The following NCAM2 variants were observed in gnomAD, a reference collection of about 807,000 sequenced individuals.
The protein encoded by NCAM2 is neural cell adhesion molecule 2.
NCAM2 carries 30 observed loss-of-function variants against 98.1 expected under a neutral mutation model. The observed-to-expected ratio is 0.31, with a 90% CI of 0.23 to 0.41. The LOEUF is 0.41. Ranked by LOEUF, NCAM2 falls within the 10% of genes least tolerant of loss-of-function variation. NCAM2 has a pLI of 1.00. For missense variants in NCAM2, 867 were observed against 1,005.8 expected (o/e 0.86, Z 1.87); for synonymous variants, 368 against 342.4 (o/e 1.07, Z -0.83).
At chr21:21,041,408 C>G (rs533145371) in intron 1 of NCAM2, among the ~76,000 whole-genome samples, 8 of 152,250 alleles carry the variant, frequency 5.3e-5, no homozygotes, top group African/African-American at 1.9e-4. Context: ...GTGCTGGTGA[C>G]AGAAGGTGGG....
At chr21:21,247,711 A>G (rs1262037712) in intron 1 of NCAM2, among the ~76,000 whole-genome samples, 4 of 152,128 alleles carry the variant, frequency 2.6e-5, no homozygotes, top group Non-Finnish European at 5.9e-5. Context: ...AAGAATGCAC[A>G]CTTGTTTCTA....
intron 1 of NCAM2, among the ~76,000 whole-genome samples, chr21:21,115,186 C>T (rs1429495489): frequency 6.6e-6 from 1 of 152,152 alleles, no homozygotes; most frequent in East Asian, 1.9e-4. Flanking sequence ...CTAGTGAGTC[C>T]TTCAGGTCAA....
intron 8 of NCAM2, among the ~76,000 whole-genome samples, chr21:21,353,509 A>G (rs1223251991): frequency 6.6e-6 from 1 of 152,188 alleles, no homozygotes; most frequent in Non-Finnish European, 1.5e-5. Flanking sequence ...ATCGCCATCC[A>G]TACAGGCGAG....
intron 13 of NCAM2, among the ~76,000 whole-genome samples, chr21:21,468,063 A>C (rs1397575729): frequency 1.3e-5 from 2 of 152,008 alleles, no homozygotes; most frequent in African/African-American, 4.8e-5. Context: ...TTATATGGCT[A>C]TCTCTATGTT....
chr21:21,363,445 C>T (rs548964901), intron 8 of NCAM2, among the ~76,000 whole-genome samples: 1 of 152,206 alleles, frequency 6.6e-6, no homozygotes, highest in South Asian at 2.1e-4. Flanking sequence ...ACTTTTCATA[C>T]CTGCATATCC....
intron 15 of NCAM2, among the ~76,000 whole-genome samples, chr21:21,508,503 G>A (rs990612888): frequency 7.3e-5 from 11 of 151,338 alleles, no homozygotes; most frequent in African/African-American, 2.4e-4. Flanking sequence ...GTACATTTAG[G>A]GATATGATAA....
chr21:21,430,400 A>G (rs1057133299), intron 11 of NCAM2, among the ~76,000 whole-genome samples: 1 of 148,676 alleles, frequency 6.7e-6, no homozygotes, highest in Admixed American at 6.7e-5. Flanking sequence ...AAGTTTATAT[A>G]TATTAGCCCA....
intron 1 of NCAM2, among the ~76,000 whole-genome samples, chr21:21,066,510 G>A (rs2065440827): frequency 2.0e-5 from 3 of 152,012 alleles, no homozygotes; most frequent in South Asian, 2.1e-4. Flanking sequence ...GGCATTATGG[G>A]ACACAGCTAA....
intron 12 of NCAM2, among the ~76,000 whole-genome samples, chr21:21,444,118 T>C (rs948654649): frequency 1.3e-5 from 2 of 152,152 alleles, no homozygotes; most frequent in Admixed American, 1.3e-4. Context: ...TGGTTCTGCT[T>C]ATGTGATGGA....
chr21:21,238,840 A>G (rs1316659252), intron 1 of NCAM2, among the ~76,000 whole-genome samples: 2 of 152,166 alleles, frequency 1.3e-5, no homozygotes, highest in South Asian at 2.1e-4. Flanking sequence ...GGGTTGCAAA[A>G]TGGCAGCTCC....
intron 8 of NCAM2, among the ~76,000 whole-genome samples, chr21:21,370,347 A>G (rs1306176431): frequency 2.0e-5 from 3 of 151,872 alleles, no homozygotes; most frequent in Non-Finnish European, 2.9e-5. Context: ...ATTCCCATTA[A>G]AGCATCAAAA....
In NCAM2 at chr21:21,154,487, T is replaced by C. The variant is rs567096702; in HGVS notation, c.56-126091T>C. Among the ~76,000 whole-genome samples the C allele has an allele frequency of 1.4e-4, 21 of 151,978 alleles. No homozygotes were observed. In the South Asian group the frequency reaches 3.7e-3, roughly 27 times the overall value. On this transcript the variant is annotated intron_variant, in intron 1 of 17. Coordinates refer to ENST00000400546, the MANE Select transcript of NCAM2 (RefSeq NM_004540.5). ...TTTTATATTAGTTAAAGATGCATAA[T>C]GAACTTATAGATAAAATGATATGGT...
chr21:21,004,252 C>G lies in NCAM2; in HGVS notation c.55+5634C>G, dbSNP rs1191387378. On this transcript the variant is annotated intron_variant, in intron 1 of 17. Transcript: ENST00000400546. ...ATCAAATAACAAGCACTTTTTGAGG[C>G]CTTAAAATGAGAATATTATCAGCAC... Among the ~76,000 whole-genome samples, 8 of 152,050 alleles carry G rather than the reference C, an allele frequency of 5.3e-5. No individual in the cohort carries two copies. The East Asian group carries it at 9.6e-4, about 18-fold the overall frequency.
rs1227957699 is a variant in NCAM2, at chr21:21,543,140, A to T, written c.*5183A>T. The T allele has an allele frequency of 6.6e-6, 1 of 151,848 alleles. No homozygotes were observed. The highest frequency in any genetic ancestry group is 1.5e-5 in the Non-Finnish European group (1 of 67,862). 9.4% of individuals were successfully genotyped at this position (151,848 alleles called of 1,614,324 possible). A position where few individuals can be genotyped will look rare whatever the true frequency, so the allele number is the denominator to read the frequency against. On this transcript the variant is annotated 3_prime_UTR_variant, in exon 18 of 18. Transcript: ENST00000400546. ...CTATATTCTTAAGTTAGCTACCACA[A>T]CGTTTTCTTATTGTTTCAATATGGT...
intron 8 of NCAM2, among the ~76,000 whole-genome samples, chr21:21,369,249 C>T (rs1382188105): frequency 2.6e-5 from 4 of 151,806 alleles, no homozygotes. Flanking sequence ...GCTTTTTCCT[C>T]TTACTGTAAC....
intron 12 of NCAM2, among the ~76,000 whole-genome samples, chr21:21,447,723 A>G (rs1390286706): frequency 6.6e-6 from 1 of 152,186 alleles, no homozygotes; most frequent in Non-Finnish European, 1.5e-5. Context: ...CCCCATCAAA[A>G]AGTGGGCAAA....
Position 21,300,245 on chromosome 21 carries a change from G to A in NCAM2, c.619+8004G>A, listed in dbSNP as rs185326378. Reference sequence around the variant, plus strand: ...CAATCCCCTGCACAAGATTTCCAGGGGCCCTATTTGCAAACAAGATGATGT... The same window carrying A: ...CAATCCCCTGCACAAGATTTCCAGGAGCCCTATTTGCAAACAAGATGATGT... On this transcript the variant is annotated intron_variant, in intron 5 of 17. Coordinates refer to ENST00000400546, the MANE Select transcript of NCAM2 (RefSeq NM_004540.5). Among the ~76,000 whole-genome samples, 13 of 151,850 alleles carry A rather than the reference G, an allele frequency of 8.6e-5. No individual in the cohort carries two copies. The East Asian group carries it at 1.8e-3, about 21-fold the overall frequency.
At chr21:21,429,953 T>G (rs558897125) in intron 11 of NCAM2, among the ~76,000 whole-genome samples, 1 of 152,306 alleles carries the variant, frequency 6.6e-6, no homozygotes, top group African/African-American at 2.4e-5. Flanking sequence ...TATTTTTATA[T>G]GACCTACAGT....
chr21:21,095,632 T>C (rs544306044), intron 1 of NCAM2, among the ~76,000 whole-genome samples: 1 of 151,802 alleles, frequency 6.6e-6, no homozygotes, highest in South Asian at 2.1e-4. Flanking sequence ...AAATATATGC[T>C]TATTTTTATA....
Sources: gnomAD v4.1 joint callset for allele counts (sites outside exome capture counted in the v4.1 genomes callset) on GRCh38, gnomAD v4.1.1 for gene constraint, MANE v1.5 for transcripts, NCBI Gene and HGNC (gene_info 2026-07-23, HGNC 2026-07-21) for gene names.